S100A13: variants seen among roughly 807,000 people sequenced by gnomAD.
S100A13 encodes S100 calcium binding protein A13.
S100A13 carries 6 observed loss-of-function variants against 8.2 expected under a neutral mutation model. That is an observed-to-expected ratio of 0.73 (90% confidence interval 0.40 to 1.44). The LOEUF is 1.44. Among genes scored for constraint, S100A13 ranks in the 40% most tolerant of loss-of-function variants. The probability of loss-of-function intolerance (pLI) is 0.02; values close to 1 mark genes in which losing one functional copy is unlikely to be tolerated. For missense variants in S100A13, 114 were observed against 113.6 expected (o/e 1.00, Z -0.02); for synonymous variants, 39 against 45.9 (o/e 0.85, Z 0.61).
At chr1:153,631,414 T>A (rs1474964296), upstream of S100A13, 10 of 1,466,330 alleles carry the variant, frequency 6.8e-6, no homozygotes, top group Non-Finnish European at 8.3e-6. Context: ...GTATTAGAAT[T>A]AAATTAGACA....
intron 1 of S100A13, chr1:153,626,882 C>G (rs1290022272): frequency 1.9e-5 from 3 of 160,674 alleles, no homozygotes; most frequent in Non-Finnish European, 4.1e-5. Flanking sequence ...TCTTGGAGTC[C>G]TTCAAGTCTG....
chr1:153,625,747 G>C (rs1667574796), intron 2 of S100A13, among the ~76,000 whole-genome samples: 1 of 152,220 alleles, frequency 6.6e-6, no homozygotes, highest in African/African-American at 2.4e-5. Context: ...GAAAGGCACA[G>C]AGCATACACA....
At chr1:153,619,109 G>C in intron 2 of S100A13, 71 bp from the exon 3 acceptor site, 1 of 1,378,682 alleles carries the variant, frequency 7.3e-7, no homozygotes, top group Admixed American at 1.8e-5. Flanking sequence ...GGGAAGAACT[G>C]TCAGCTGCTA....
intron 2 of S100A13, among the ~76,000 whole-genome samples, chr1:153,622,569 T>C (rs1667338805): frequency 6.6e-6 from 1 of 152,204 alleles, no homozygotes; most frequent in African/African-American, 2.4e-5. Context: ...CCCAACACTT[T>C]GGGAGGCCAG....
rs1667643886 is a variant in S100A13 at position 153,626,499 on chromosome 1, C to T, written c.-27G>A. 6.2e-7 allele frequency: 1 copy of T among 1,610,934 alleles called. No homozygotes were observed. The highest frequency in any genetic ancestry group is 8.5e-7 in the Non-Finnish European group (1 of 1,177,490). Reference sequence around the variant, plus strand: ...AGGACCCTGAGGCCAAAGCTGATGTCCTCAAGGGGCTAGCTGACCTTTGTC... The same window carrying T: ...AGGACCCTGAGGCCAAAGCTGATGTTCTCAAGGGGCTAGCTGACCTTTGTC... On this transcript the variant is annotated 5_prime_UTR_variant, in exon 2 of 3. Transcript: ENST00000476133.
upstream of S100A13, chr1:153,631,525 T>G (rs748792797): frequency 5.0e-6 from 8 of 1,613,726 alleles, no homozygotes; most frequent in Non-Finnish European, 5.9e-6. Flanking sequence ...AAAGAGCTTA[T>G]GCTGTAGGCA....
chr1:153,628,552 G>A, upstream of S100A13: 3 of 1,545,280 alleles, frequency 1.9e-6, no homozygotes, highest in Non-Finnish European at 2.6e-6. Context: ...AGGGAGAGGG[G>A]TCTTCAGAAG....
At chr1:153,628,389 C>T (rs1557929036), upstream of S100A13, 17 of 1,546,502 alleles carry the variant, frequency 1.1e-5, no homozygotes, top group East Asian at 3.2e-4. Flanking sequence ...GGGGGGTCAG[C>T]GGGGGAGGGA....
intron 2 of S100A13, 98 bp downstream of exon 2, chr1:153,626,222 T>G: frequency 1.8e-6 from 2 of 1,112,236 alleles, no homozygotes; most frequent in Non-Finnish European, 1.3e-6. Flanking sequence ...CCACACCCTT[T>G]CTTGTGGTCA....
upstream of S100A13, chr1:153,631,158 G>A: frequency 2.8e-6 from 1 of 355,928 alleles, no homozygotes; most frequent in Non-Finnish European, 5.1e-6. Context: ...GAGCATGTCA[G>A]TAGTTTCATT....
chr1:153,631,471 G>C (rs760830172), upstream of S100A13: 1 of 1,590,236 alleles, frequency 6.3e-7, no homozygotes, highest in South Asian at 1.1e-5. Context: ...TATAGGCACT[G>C]AACATACGGT....
upstream of S100A13, among the ~76,000 whole-genome samples, chr1:153,633,462 G>T (rs547182542): frequency 2.2e-4 from 27 of 124,852 alleles, no homozygotes; most frequent in Admixed American, 2.4e-3. Context: ...AATCGAGGAC[G>T]CAAAGGTGCC....
At chr1:153,619,230 G>A (rs1403521910) in intron 2 of S100A13, among the ~76,000 whole-genome samples, 192 bp from the exon 3 acceptor site, 1 of 152,202 alleles carries the variant, frequency 6.6e-6, no homozygotes, top group Non-Finnish European at 1.5e-5. Context: ...AGGAGCACCA[G>A]CAGAGAAAGG....
chr1:153,621,689 AAAAG>A (rs746812067), intron 2 of S100A13, among the ~76,000 whole-genome samples: 1,561 of 149,556 alleles, frequency 0.01, 32 homozygotes, highest in African/African-American at 0.035. Context: ...CTCAAAAAAA[AAAAG>A]AAAGAAAGAA....
chr1:153,632,081 C>G (rs1037813292), upstream of S100A13: 1 of 529,430 alleles, frequency 1.9e-6, no homozygotes, highest in Admixed American at 3.3e-5. Context: ...TGGGTGGAGA[C>G]GTGAAGACTG....
At chr1:153,620,405 G>A (rs1359117703) in intron 2 of S100A13, among the ~76,000 whole-genome samples, 1 of 151,000 alleles carries the variant, frequency 6.6e-6, no homozygotes, top group Non-Finnish European at 1.5e-5. Flanking sequence ...AGGCTGTAGT[G>A]AGCCGAGATC....
Position 153,626,443 on chromosome 1 carries a change from C to T in S100A13, c.30G>A (p.Glu10=), listed in dbSNP as rs1330484446. MAAEPLTEL[E]ESIETVVTTF... ...TGGTGACCACGGTCTCAATGGACTC[C>T]TCTAGCTCTGTCAGTGGTTCTGCTG... The change falls in exon 2 of 3, where the codon GAG becomes GAA. Residue 10 remains glutamate (E), a synonymous_variant. Coordinates refer to ENST00000476133, the MANE Select transcript of S100A13 (RefSeq NM_001024211.2). The T allele has an allele frequency of 5.0e-6, 8 of 1,614,218 alleles. No homozygotes were observed. Among genetic ancestry groups the T allele is most frequent in the Non-Finnish European group, 5.1e-6 (6 of 1,180,046 alleles).
At chr1:153,633,342 C>T (rs1171543153), upstream of S100A13, among the ~76,000 whole-genome samples, 1 of 151,976 alleles carries the variant, frequency 6.6e-6, no homozygotes, top group African/African-American at 2.4e-5. Flanking sequence ...AGAGCCAGAC[C>T]CCGTCTCAAA....
At chr1:153,632,714 C>A (rs1668094865), upstream of S100A13, among the ~76,000 whole-genome samples, 1 of 152,084 alleles carries the variant, frequency 6.6e-6, no homozygotes. Context: ...TACTTACACA[C>A]AGACACACAC....
Sources: allele counts gnomAD v4.1 joint callset (sites outside exome capture counted in the v4.1 genomes callset), GRCh38; gene constraint gnomAD v4.1.1; transcripts MANE v1.5; gene names NCBI Gene and HGNC (gene_info 2026-07-23, HGNC 2026-07-21).